SEC23A: variants seen among roughly 807,000 people sequenced by gnomAD.
SEC23A encodes protein transport protein Sec23A.
SEC23A carries 56 observed loss-of-function variants against 103.7 expected under a neutral mutation model. The observed-to-expected ratio is 0.54, with a 90% CI of 0.44 to 0.67. The LOEUF is 0.67. Among genes scored for constraint, SEC23A ranks in the 30% least tolerant of loss-of-function variants. SEC23A has a pLI of 0.00. For synonymous variants in SEC23A, 281 were observed against 293.0 expected (o/e 0.96, Z 0.42); for missense variants, 784 against 936.4 (o/e 0.84, Z 2.12).
intron 16 of SEC23A, among the ~76,000 whole-genome samples, chr14:39,044,029 G>T (rs7153125): frequency 0.99 from 150,543 of 152,250 alleles, 74,448 homozygotes; most frequent in Middle Eastern, 1. Context: ...GGGTGTTTTG[G>T]CCGTTTGTTA....
intron 1 of SEC23A, among the ~76,000 whole-genome samples, chr14:39,102,599 C>T (rs868113995): frequency 4.6e-5 from 7 of 152,240 alleles, no homozygotes; most frequent in African/African-American, 1.7e-4. Context: ...AAGCTCTTTT[C>T]CCCTTTAACC....
intron 13 of SEC23A, among the ~76,000 whole-genome samples, chr14:39,058,400 C>CG (rs1566490849): frequency 6.6e-6 from 1 of 152,076 alleles, no homozygotes; most frequent in Admixed American, 6.6e-5. Context: ...CTCCGCTTCC[C>CG]GGGTTCACGC....
At chr14:39,074,761 C>G (rs746187660) in intron 8 of SEC23A, among the ~76,000 whole-genome samples, 4 of 152,174 alleles carry the variant, frequency 2.6e-5, no homozygotes, top group Non-Finnish European at 5.9e-5. Flanking sequence ...TAAATGAAGC[C>G]AAACTTAAAG....
At chr14:39,099,379 C>G (rs943454774) in intron 1 of SEC23A, among the ~76,000 whole-genome samples, 1 of 151,910 alleles carries the variant, frequency 6.6e-6, no homozygotes, top group Non-Finnish European at 1.5e-5. Flanking sequence ...AGGATGATCT[C>G]AATTGTCTGA....
intron 2 of SEC23A, chr14:39,095,121 A>C (rs1382090106): frequency 8.0e-6 from 5 of 625,750 alleles, no homozygotes; most frequent in Non-Finnish European, 1.4e-5. Context: ...CCAGAGATGG[A>C]ATAAGAGGCT....
intron 14 of SEC23A, among the ~76,000 whole-genome samples, chr14:39,051,693 G>A (rs1886063663): frequency 6.6e-6 from 1 of 152,110 alleles, no homozygotes; most frequent in Non-Finnish European, 1.5e-5. Context: ...GCCGGGCGTG[G>A]TGGTTCATAC....
chr14:39,067,264 G>A lies in SEC23A; in HGVS notation c.1136C>T (p.Thr379Ile). The A allele has an allele frequency of 6.2e-7, 1 of 1,613,508 alleles. No individual in the cohort carries two copies. Among genetic ancestry groups the A allele is most frequent in the Non-Finnish European group, 8.5e-7 (1 of 1,179,698 alleles). Residue 379 changes from threonine (T) to isoleucine (I), a missense_variant, in exon 10 of 20, where the codon ACT becomes ATT. Around this residue, in one of 2 missense-constraint regions of SEC23A, gnomAD observed 683 missense variants for 774.2 expected, o/e 0.88. Coordinates refer to ENST00000307712, the MANE Select transcript of SEC23A (RefSeq NM_006364.4). ...GYMVMGDSFN[T>I]SLFKQTFQRV... ...TTGAAAAGTTTGTTTGAATAAGGAA[G>A]TATTGAAAGAATCACCCATTACCAT...
At chr14:39,095,298 C>CTT (rs111385262) in intron 2 of SEC23A, among the ~76,000 whole-genome samples, 13 of 143,760 alleles carry the variant, frequency 9.0e-5, no homozygotes, top group Non-Finnish European at 1.1e-4. Flanking sequence ...TCAATCACAA[C>CTT]TTTTTTTTTT....
Position 39,032,278 on chromosome 14 carries a change from CATT to C in SEC23A, c.*958_*960del, listed in dbSNP as rs1566475754. 6.6e-6 allele frequency: 1 copy of C among 152,446 alleles called. No homozygotes were observed. Among genetic ancestry groups the C allele is most frequent in the Non-Finnish European group, 1.5e-5 (1 of 67,990 alleles). The allele number at this position is 152,446 out of a possible 1,614,324, so 9.4% of individuals were successfully genotyped here. A position where few individuals can be genotyped will look rare whatever the true frequency, so the allele number is the denominator to read the frequency against. The stretch of plus-strand genomic sequence containing the variant: ...GCATCACATGATATAATTAAGCAAA[CATT>C]ATATAATACTGTTTCAATAAGAACC... On this transcript the variant is annotated 3_prime_UTR_variant, in exon 20 of 20. Transcript: ENST00000307712.
intron 19 of SEC23A, among the ~76,000 whole-genome samples, chr14:39,034,203 A>G (rs930590912): frequency 6.6e-6 from 1 of 152,206 alleles, no homozygotes; most frequent in Non-Finnish European, 1.5e-5. Context: ...TAGAGTCTGG[A>G]TCCAGAATGC....
chr14:39,093,125 C>T (rs1379781240), intron 3 of SEC23A, 62 bp downstream of exon 3: 2 of 1,419,300 alleles, frequency 1.4e-6, no homozygotes, highest in Middle Eastern at 1.8e-4. Flanking sequence ...CCTCGGCCTC[C>T]CAAAGTGCTG....
chr14:39,076,023 A>C lies in SEC23A; in HGVS notation c.899T>G (p.Met300Arg). 2 of 1,613,960 alleles carry C rather than the reference A, an allele frequency of 1.2e-6. No homozygotes were observed. The highest frequency in any genetic ancestry group is 1.7e-5 in the Admixed American group (1 of 60,010). The part of the protein sequence containing the change: ...IGGPATQGPG[M>R]VVGDELKTPI... ...TGTCTTCAACTCATCTCCAACCACCATTCCAGGCCCCTGAGTAGCAGGACC... is the reference window on the plus strand; with the variant it reads ...TGTCTTCAACTCATCTCCAACCACCCTTCCAGGCCCCTGAGTAGCAGGACC... Residue 300 changes from methionine (M) to arginine (R), a missense_variant, in exon 8 of 20, where the codon ATG (methionine) becomes AGG (arginine). Met to Arg is a moderately conservative substitution (Grantham distance 91). Transcript: ENST00000307712.
chr14:39,062,480 G>C (rs888984862), intron 12 of SEC23A, among the ~76,000 whole-genome samples: 1 of 151,960 alleles, frequency 6.6e-6, no homozygotes, highest in Non-Finnish European at 1.5e-5. Context: ...CCTCCCCTAG[G>C]TATAGAAGAT....
intron 1 of SEC23A, among the ~76,000 whole-genome samples, chr14:39,098,238 G>A (rs555829697): frequency 3.5e-4 from 53 of 152,140 alleles, no homozygotes; most frequent in African/African-American, 9.6e-4. Flanking sequence ...AAACTCCACC[G>A]TAACATAGGT....
At chr14:39,054,969 G>A (rs1415665723) in intron 14 of SEC23A, among the ~76,000 whole-genome samples, 174 bp downstream of exon 14, 1 of 152,182 alleles carries the variant, frequency 6.6e-6, no homozygotes, top group African/African-American at 2.4e-5. Flanking sequence ...TACTGGAAGA[G>A]ATTAATGAGT....
chr14:39,046,452 G>C (rs935378251), intron 15 of SEC23A, among the ~76,000 whole-genome samples: 3 of 152,088 alleles, frequency 2.0e-5, no homozygotes, highest in Admixed American at 1.3e-4. Context: ...CAGCCTGGGT[G>C]ACAAGAGTGA....
intron 16 of SEC23A, 122 bp downstream of exon 16, chr14:39,045,041 G>T: frequency 2.4e-6 from 2 of 819,182 alleles, no homozygotes; most frequent in Non-Finnish European, 2.0e-6. Flanking sequence ...AGGTTGAGAT[G>T]TCCATTCTTT....
chr14:39,078,608 G>A (rs930475596), intron 7 of SEC23A, among the ~76,000 whole-genome samples: 2 of 152,154 alleles, frequency 1.3e-5, no homozygotes, highest in African/African-American at 4.8e-5. Context: ...ATGAAAATTA[G>A]AGGCTGAGAG....
intron 19 of SEC23A, among the ~76,000 whole-genome samples, chr14:39,038,692 T>C (rs1360565967): frequency 2.0e-5 from 3 of 152,200 alleles, no homozygotes; most frequent in Non-Finnish European, 4.4e-5. Flanking sequence ...GCAGGGTTCC[T>C]GCCCCTCCTT....
Sources: gnomAD v4.1 joint callset for allele counts (sites outside exome capture counted in the v4.1 genomes callset) on GRCh38, gnomAD v4.1.1 for gene constraint, gnomAD v4.1.1 regional missense constraint, MANE v1.5 for transcripts, NCBI Gene and HGNC (gene_info 2026-07-23, HGNC 2026-07-21) for gene names.